The following PID1 variants were observed in gnomAD, a reference collection of about 807,000 sequenced individuals.
The protein encoded by PID1 is PTB-containing, cubilin and LRP1-interacting protein.
In PID1, 10 loss-of-function variants were observed where a neutral mutation model predicts 19.1. The ratio of observed to expected loss-of-function variants is 0.52; its 90% confidence interval spans 0.32 to 0.89. The LOEUF is 0.89. PID1 is among the 40% of genes least tolerant of loss of function. The pLI is 0.03. For synonymous variants in PID1, 130 were observed against 116.0 expected (o/e 1.12, Z -0.78); for missense variants, 248 against 285.3 (o/e 0.87, Z 0.94).
At chr2:229,242,604 C>G (rs1028968206) in intron 1 of PID1, among the ~76,000 whole-genome samples, 1 of 152,104 alleles carries the variant, frequency 6.6e-6, no homozygotes, top group African/African-American at 2.4e-5. Context: ...ACCTCCTCAA[C>G]CCCAAAGTCA....
intron 2 of PID1, among the ~76,000 whole-genome samples, chr2:229,045,538 T>G (rs1326312): frequency 0.54 from 81,232 of 151,374 alleles, 22,871 homozygotes; most frequent in African/African-American, 0.71. Flanking sequence ...TTTCTGGGCT[T>G]TCAGGGCTCT....
At chr2:229,266,920 T>G (rs1690604891) in intron 1 of PID1, among the ~76,000 whole-genome samples, 1 of 152,352 alleles carries the variant, frequency 6.6e-6, no homozygotes, top group African/African-American at 2.4e-5. Context: ...GTTTTCACCC[T>G]GCCTGATGGG....
chr2:229,245,685 A>G (rs1689982643), intron 1 of PID1, among the ~76,000 whole-genome samples: 1 of 152,146 alleles, frequency 6.6e-6, no homozygotes, highest in Admixed American at 6.6e-5. Flanking sequence ...ATTTTTACAT[A>G]TATTATCTCA....
intron 2 of PID1, among the ~76,000 whole-genome samples, chr2:229,142,589 G>GA (rs1402276157): frequency 6.6e-6 from 1 of 152,100 alleles, no homozygotes; most frequent in Non-Finnish European, 1.5e-5. Context: ...AAAAACACAT[G>GA]AAAAAATGCT....
chr2:229,214,139 T>A (rs1204449422), intron 1 of PID1, among the ~76,000 whole-genome samples: 1 of 152,198 alleles, frequency 6.6e-6, no homozygotes, highest in African/African-American at 2.4e-5. Context: ...TTAGGTAGCA[T>A]AACTTTTCAT....
At chr2:229,104,773 T>C (rs1353640240) in intron 2 of PID1, among the ~76,000 whole-genome samples, 3 of 152,164 alleles carry the variant, frequency 2.0e-5, no homozygotes, top group African/African-American at 7.2e-5. Context: ...ATGAAATAGG[T>C]GCAATATTAG....
At position 229,025,307 on chromosome 2, in the gene PID1, A is replaced by C. The variant is rs1693388183; in HGVS notation, c.*325T>G. On this transcript the variant is annotated 3_prime_UTR_variant, in exon 3 of 3. Transcript: ENST00000392055. ...ATGGCCCATCCAATAACAGCTGCAG[A>C]GTATTTGCCTGAGCGTGGTGAAAAC... is the stretch of plus-strand genomic sequence containing the variant. 1 of 294,134 alleles carries C rather than the reference A, an allele frequency of 3.4e-6. No individual in the cohort carries two copies. The highest frequency in any genetic ancestry group is 4.1e-5 in the South Asian group (1 of 24,518). 18.2% of individuals were successfully genotyped at this position (294,134 alleles called of 1,614,324 possible).
At chr2:229,204,430 G>A (rs1691563231) in intron 1 of PID1, among the ~76,000 whole-genome samples, 1 of 151,908 alleles carries the variant, frequency 6.6e-6, no homozygotes, top group South Asian at 2.1e-4. Context: ...ATCTTTGCAG[G>A]GATCACTGAC....
At chr2:229,073,509 C>T (rs995513593) in intron 2 of PID1, among the ~76,000 whole-genome samples, 30 of 152,168 alleles carry the variant, frequency 2.0e-4, no homozygotes, top group African/African-American at 6.5e-4. Flanking sequence ...TCTTCTCACA[C>T]AATCAATATT....
intron 1 of PID1, among the ~76,000 whole-genome samples, chr2:229,250,163 A>G (rs1395512341): frequency 6.6e-6 from 1 of 152,250 alleles, no homozygotes; most frequent in Non-Finnish European, 1.5e-5. Flanking sequence ...CTGCAGAAAA[A>G]TGAAATAAAA....
chr2:229,081,541 A>T (rs1171124005), intron 2 of PID1, among the ~76,000 whole-genome samples: 1 of 152,222 alleles, frequency 6.6e-6, no homozygotes, highest in African/African-American at 2.4e-5. Context: ...TTGGGAGAGG[A>T]ATGGCATGCT....
chr2:229,240,492 G>T (rs1483611671), intron 1 of PID1, among the ~76,000 whole-genome samples: 2 of 152,056 alleles, frequency 1.3e-5, no homozygotes, highest in Non-Finnish European at 1.5e-5. Flanking sequence ...AGAGTTCTGG[G>T]TTGACAGATT....
In PID1 at chr2:229,117,572, C is replaced by T. The variant is rs114051703; in HGVS notation, c.177+38246G>A. 7.3e-3 allele frequency among the ~76,000 whole-genome samples: 1,114 copies of T among 152,260 alleles called. 7 individuals are homozygous for T. Among genetic ancestry groups the T allele is most frequent in the Non-Finnish European group, 0.011 (761 of 68,032 alleles). On this transcript the variant is annotated intron_variant, in intron 2 of 2. Coordinates refer to ENST00000392055, the MANE Select transcript of PID1 (RefSeq NM_001100818.2). ...TAGAAAGATAATTCTAATAATTTTC[C>T]ATTGCTGTGTGAAAGAGGTCAAAAT...
intron 1 of PID1, among the ~76,000 whole-genome samples, chr2:229,228,508 A>C (rs146083131): frequency 3.4e-3 from 517 of 152,360 alleles, no homozygotes; most frequent in African/African-American, 0.012. Flanking sequence ...GCAAATATAT[A>C]AATTTACATT....
chr2:229,123,599 G>C (rs1009558939), intron 2 of PID1, among the ~76,000 whole-genome samples: 2 of 152,128 alleles, frequency 1.3e-5, no homozygotes, highest in African/African-American at 4.8e-5. Flanking sequence ...GAATTACCAC[G>C]GTGTTTTCCA....
At chr2:229,092,497 C>T (rs1184182809) in intron 2 of PID1, among the ~76,000 whole-genome samples, 1 of 152,184 alleles carries the variant, frequency 6.6e-6, no homozygotes, top group African/African-American at 2.4e-5. Flanking sequence ...CTTGAGGAAT[C>T]TCTCTAGTGG....
At chr2:229,077,784 G>A (rs9988544) in intron 2 of PID1, among the ~76,000 whole-genome samples, 1 of 152,158 alleles carries the variant, frequency 6.6e-6, no homozygotes, top group African/African-American at 2.4e-5. Context: ...TTTGGTTACT[G>A]CAGCCTTGTA....
chr2:229,188,176 G>T (rs1691176224), intron 1 of PID1, among the ~76,000 whole-genome samples: 1 of 151,676 alleles, frequency 6.6e-6, no homozygotes, highest in African/African-American at 2.4e-5. Flanking sequence ...TAAAACAGGG[G>T]CATTAAAAGA....
chr2:229,126,201 G>T (rs963859672), intron 2 of PID1, among the ~76,000 whole-genome samples: 4 of 152,106 alleles, frequency 2.6e-5, no homozygotes, highest in African/African-American at 9.7e-5. Context: ...AGATGCTCCT[G>T]CCCAAATTTC....
Sources: allele counts gnomAD v4.1 joint callset (sites outside exome capture counted in the v4.1 genomes callset), GRCh38; gene constraint gnomAD v4.1.1; transcripts MANE v1.5; gene names NCBI Gene and HGNC (gene_info 2026-07-23, HGNC 2026-07-21).